The following INPP4A variants were observed in gnomAD, a reference collection of about 807,000 sequenced individuals.
The protein encoded by INPP4A is inositol polyphosphate-4-phosphatase, type I, 107kD.
Under a neutral mutation model 119.8 loss-of-function variants are expected in INPP4A, and 33 were observed. The observed-to-expected ratio is 0.28, with a 90% CI of 0.21 to 0.37. INPP4A has a LOEUF of 0.37. Among genes scored for constraint, INPP4A ranks in the 10% least tolerant of loss-of-function variants. The pLI is 1.00. For missense variants in INPP4A, 956 were observed against 1,289.9 expected, an observed-to-expected ratio of 0.74 and a Z score of 3.97; for synonymous variants, 496 against 500.7, an observed-to-expected ratio of 0.99 and a Z score of 0.12.
intron 24 of INPP4A, chr2:98,581,877 C>A (rs755390306): frequency 5.9e-5 from 83 of 1,403,474 alleles, no homozygotes; most frequent in Non-Finnish European, 7.2e-5. Context: ...AGAAATATTT[C>A]ATGCCTTACA....
rs2106569696 is a variant in INPP4A, at chr2:98,587,861, T to G, written c.*253T>G. The stretch of plus-strand genomic sequence containing the variant: ...AACTGCCTATTTAAATTAAATAGCC[T>G]TTGGCTGTAACTACACAGATCTCAT... On this transcript the variant is annotated 3_prime_UTR_variant, in exon 25 of 25. Transcript: ENST00000409851. The G allele has an allele frequency of 2.8e-6, 1 of 361,054 alleles. No individual in the cohort carries two copies. Among genetic ancestry groups the G allele is most frequent in the East Asian group, 4.7e-5 (1 of 21,210 alleles). 22.4% of individuals were successfully genotyped at this position (361,054 alleles called of 1,614,324 possible).
chr2:98,520,241 A>G (rs41463950), intron 3 of INPP4A, 87 bp downstream of exon 3: 165 of 986,842 alleles, frequency 1.7e-4, no homozygotes, highest in South Asian at 1.0e-3. Context: ...CAGGTACCCA[A>G]TGATTCCCCA....
chr2:98,545,858 G>A (rs1029253593), intron 11 of INPP4A, 111 bp from the exon 12 acceptor site: 28 of 731,730 alleles, frequency 3.8e-5, no homozygotes, highest in South Asian at 8.1e-5. Context: ...GGCCACTGCC[G>A]ACATACCTGC....
intron 1 of INPP4A, among the ~76,000 whole-genome samples, chr2:98,451,468 C>T (rs959632519): frequency 6.6e-6 from 1 of 152,048 alleles, no homozygotes; most frequent in African/African-American, 2.4e-5. Flanking sequence ...AAGTGTTTAC[C>T]CGCTGCCAGC....
At chr2:98,492,356 A>T (rs1479106322) in intron 1 of INPP4A, among the ~76,000 whole-genome samples, 1 of 152,168 alleles carries the variant, frequency 6.6e-6, no homozygotes, top group African/African-American at 2.4e-5. Flanking sequence ...ATTTTCTCCT[A>T]GCATGGTTTG....
chr2:98,450,632 T>G (rs994850546), intron 1 of INPP4A, among the ~76,000 whole-genome samples: 5 of 152,194 alleles, frequency 3.3e-5, no homozygotes, highest in Non-Finnish European at 5.9e-5. Flanking sequence ...TTAAATGAAT[T>G]AACATTTAAT....
intron 11 of INPP4A, 137 bp downstream of exon 11, chr2:98,544,144 C>T: frequency 1.4e-6 from 1 of 709,696 alleles, no homozygotes; most frequent in Non-Finnish European, 2.2e-6. Context: ...TTCCCACTGA[C>T]AGACACTTTA....
intron 13 of INPP4A, among the ~76,000 whole-genome samples, chr2:98,547,835 G>A (rs1692744025): frequency 6.6e-6 from 1 of 152,078 alleles, no homozygotes; most frequent in South Asian, 2.1e-4. Context: ...AGAAGCATCC[G>A]TCGACAGCCT....
rs75983598 is a variant in INPP4A, at chr2:98,542,171, C to T, written c.819-1706C>T. Among the ~76,000 whole-genome samples, 990 of 152,372 alleles carry T rather than the reference C, an allele frequency of 6.5e-3. 15 individuals carry two copies. The highest frequency in any genetic ancestry group is 0.022 in the African/African-American group (927 of 41,584). On this transcript the variant is annotated intron_variant, in intron 10 of 24. Coordinates refer to ENST00000409851, the MANE Select transcript of INPP4A (RefSeq NM_001134225.2). ...AGCATAGGAAGCCACCACATGAACACGGGCAGACACATTCCAGAGAAACTA... is the reference window on the plus strand; with the variant it reads ...AGCATAGGAAGCCACCACATGAACATGGGCAGACACATTCCAGAGAAACTA...
rs1403218618 is a variant in INPP4A, at chr2:98,546,616, C to T, written c.1085C>T (p.Ala362Val). The T allele has an allele frequency of 6.8e-6, 11 of 1,613,686 alleles. No individual in the cohort carries two copies. The highest frequency in any genetic ancestry group is 2.2e-5 in the East Asian group (1 of 44,890). Residue 362 changes from alanine (A) to valine (V), a missense_variant, in exon 13 of 25, where the codon GCG (alanine) becomes GTG (valine). Ala to Val is a moderately conservative substitution (Grantham distance 64). Transcript: ENST00000409851. The surrounding 1 kb of genome is among the most constrained non-coding windows in gnomAD (Gnocchi z 4.2). ...AACTACGACATCGTCACCATTGGGG[C>T]GCCAGCAGCACACTGCCAAGGTTTT... ...DQNYDIVTIG[A>V]PAAHCQGFKS... is the part of the protein sequence containing the mutation.
At chr2:98,539,744 A>G in intron 10 of INPP4A, 69 bp downstream of exon 10, 1 of 1,477,070 alleles carries the variant, frequency 6.8e-7, no homozygotes, top group Non-Finnish European at 9.1e-7. Context: ...TCTGAGATAT[A>G]GCGGGCAGAG....
At chr2:98,480,885 T>G (rs923817567) in intron 1 of INPP4A, among the ~76,000 whole-genome samples, 9 of 151,902 alleles carry the variant, frequency 5.9e-5, no homozygotes, top group Admixed American at 1.3e-4. Context: ...GGAGGGTGAG[T>G]GGGGGGCAGG....
chr2:98,455,967 C>G (rs1009861752), intron 1 of INPP4A, among the ~76,000 whole-genome samples: 2 of 152,210 alleles, frequency 1.3e-5, no homozygotes. Context: ...TTTCCAGCCT[C>G]TCTCCATCAC....
chr2:98,527,141 A>G (rs889375322), intron 4 of INPP4A, among the ~76,000 whole-genome samples: 1 of 152,212 alleles, frequency 6.6e-6, no homozygotes, highest in Non-Finnish European at 1.5e-5. Flanking sequence ...TCTAGCTCCA[A>G]GTAGACTTTA....
Position 98,559,508 on chromosome 2 carries a change from C to T in INPP4A, c.1855+13C>T, listed in dbSNP as rs755256159. The stretch of plus-strand genomic sequence containing the variant: ...GAGTCCAGCCCAGGTACGTGGTTTC[C>T]GTTCAAGGCTCCTGCTGATGCCCTT... On this transcript the variant is annotated intron_variant, in intron 17 of 24. Transcript: ENST00000409851. 19 of 1,613,328 alleles carry T rather than the reference C, an allele frequency of 1.2e-5. No individual in the cohort carries two copies. The Admixed American group carries it at 2.0e-4, about 17-fold the overall frequency.
At chr2:98,458,310 C>T (rs953243703) in intron 1 of INPP4A, among the ~76,000 whole-genome samples, 2 of 152,062 alleles carry the variant, frequency 1.3e-5, no homozygotes, top group Non-Finnish European at 2.9e-5. Flanking sequence ...TACCGCTGCA[C>T]TCCAGTCTTG....
intron 1 of INPP4A, among the ~76,000 whole-genome samples, chr2:98,487,206 C>T (rs1051088078): frequency 3.3e-5 from 5 of 152,136 alleles, no homozygotes; most frequent in Non-Finnish European, 7.3e-5. Context: ...TCACCAAATT[C>T]CATGTTTTAT....
chr2:98,564,928 G>A (rs1696161107), intron 19 of INPP4A, among the ~76,000 whole-genome samples, 165 bp downstream of exon 19: 1 of 152,330 alleles, frequency 6.6e-6, no homozygotes. Flanking sequence ...ACACGCACAC[G>A]CCTTGGTTTG....
At position 98,569,820 on chromosome 2, in the gene INPP4A, G is replaced by A. The variant is rs1025796761; in HGVS notation, c.2518+1152G>A. ...GCAGGGAAGCAGTGGGAAAAAAGAC[G>A]CCTCTTCACAGGTTCATCTAGCAAG... On this transcript the variant is annotated intron_variant, in intron 22 of 24. Coordinates refer to ENST00000409851, the MANE Select transcript of INPP4A (RefSeq NM_001134225.2). The surrounding 1 kb of genome is among the most constrained non-coding windows in gnomAD (Gnocchi z 5.1). The A allele has an allele frequency of 3.3e-5, 5 of 152,392 alleles. No homozygotes were observed. Among genetic ancestry groups the A allele is most frequent in the South Asian group, 4.1e-4 (2 of 4,822 alleles). The allele number at this position is 152,392 out of a possible 1,614,324, so 9.4% of individuals were successfully genotyped here.
Sources: allele counts gnomAD v4.1 joint callset (sites outside exome capture counted in the v4.1 genomes callset), GRCh38; gene constraint gnomAD v4.1.1; non-coding constraint Gnocchi (gnomAD v3.1); transcripts MANE v1.5; gene names NCBI Gene and HGNC (gene_info 2026-07-23, HGNC 2026-07-21).